The following SLFN12L variants were observed in gnomAD, a reference collection of about 807,000 sequenced individuals.
SLFN12L encodes the protein schlafen family member 12 like, also known as schlafen family member 12-like.
A neutral mutation model predicts 34.8 loss-of-function variants in SLFN12L; 34 were observed. The ratio of observed to expected loss-of-function variants is 0.98; its 90% CI spans 0.74 to 1.30. The LOEUF is 1.30. SLFN12L is among the 50% of genes most tolerant of loss of function. The probability of loss-of-function intolerance (pLI) is 0.00; values close to 1 mark genes in which losing one functional copy is unlikely to be tolerated. For missense variants in SLFN12L, 703 were observed against 696.2 expected, an observed-to-expected ratio of 1.01 and a Z score of -0.11; for synonymous variants, 259 against 247.5, an observed-to-expected ratio of 1.05 and a Z score of -0.44.
intron 1 of SLFN12L, among the ~76,000 whole-genome samples, chr17:35,533,403 C>A (rs2072429560): frequency 6.6e-6 from 1 of 152,160 alleles, no homozygotes; most frequent in African/African-American, 2.4e-5. Flanking sequence ...GTGAACAAAA[C>A]AAACCTGGTC....
At chr17:35,512,132 G>T (rs866022207) in intron 2 of SLFN12L, among the ~76,000 whole-genome samples, 36 of 147,032 alleles carry the variant, frequency 2.4e-4, no homozygotes, top group African/African-American at 8.0e-4. Context: ...TTCTGGGAGA[G>T]AATTTAAAAA....
At chr17:35,490,310 C>T (rs1914783966) in intron 2 of SLFN12L, 1 of 1,447,568 alleles carries the variant, frequency 6.9e-7, no homozygotes, top group Non-Finnish European at 9.7e-7. Context: ...ACTAAGAAGT[C>T]CAGATACTCC....
chr17:35,501,121 G>A (rs1263663243), intron 2 of SLFN12L, among the ~76,000 whole-genome samples: 2 of 152,200 alleles, frequency 1.3e-5, no homozygotes, highest in African/African-American at 2.4e-5. Context: ...CATGGTCTAG[G>A]CAGCCCCTTA....
chr17:35,532,254 AC>A (rs2072418518), intron 1 of SLFN12L, among the ~76,000 whole-genome samples: 1 of 152,194 alleles, frequency 6.6e-6, no homozygotes, highest in Non-Finnish European at 1.5e-5. Context: ...AGCCTGGCCA[AC>A]ATAGCGAAAC....
intron 2 of SLFN12L, chr17:35,498,092 G>A (rs1457677414): frequency 3.7e-6 from 2 of 543,066 alleles, no homozygotes; most frequent in Admixed American, 3.4e-5. Flanking sequence ...GCGGGGCGCG[G>A]GGCTCCAGGA....
intron 4 of SLFN12L, 53 bp downstream of exon 4, chr17:35,478,022 G>A: frequency 9.4e-7 from 1 of 1,065,856 alleles, no homozygotes; most frequent in African/African-American, 1.6e-5. Context: ...TGAAGAGAAG[G>A]AGGTTTGAAC....
At chr17:35,522,236 C>T in intron 2 of SLFN12L, 43 bp downstream of exon 2, 1 of 1,606,136 alleles carries the variant, frequency 6.2e-7, no homozygotes, top group South Asian at 1.1e-5. Context: ...AAAATTAAAC[C>T]CAGATTAAAT....
In SLFN12L at chr17:35,474,504, T is replaced by C. The variant is rs1913865798; in HGVS notation, c.*419A>G. On this transcript the variant is annotated 3_prime_UTR_variant, in exon 5 of 5. Transcript: ENST00000628453. ...ATGTTACCAAATATATAATGAAAAA[T>C]ATCTCTGTAGCCCAGTCCATCTTCC... 1 of 154,762 alleles carries C rather than the reference T, an allele frequency of 6.5e-6. No homozygotes were observed. The highest frequency in any genetic ancestry group is 6.5e-5 in the Admixed American group (1 of 15,470). The allele number at this position is 154,762 out of a possible 1,614,324, so 9.6% of individuals were successfully genotyped here.
At chr17:35,526,139 A>G (rs1170182252) in intron 1 of SLFN12L, among the ~76,000 whole-genome samples, 2 of 152,242 alleles carry the variant, frequency 1.3e-5, no homozygotes, top group Admixed American at 1.3e-4. Context: ...AAAGGGATCA[A>G]TGCAACAAAA....
intron 2 of SLFN12L, chr17:35,514,722 T>C: frequency 2.6e-6 from 1 of 381,656 alleles, no homozygotes; most frequent in Non-Finnish European, 5.1e-6. Flanking sequence ...TTAAGACTTT[T>C]TCAAGTATTT....
In SLFN12L at chr17:35,516,363, T is replaced by A. The variant is rs567554019; in HGVS notation, c.86+5916A>T. ...AGTTGTCCTAAAGCAAAACATTCCA[T>A]CACTTTGATCAGATTAAAACTCTAA... is the stretch of plus-strand genomic sequence containing the variant. On this transcript the variant is annotated intron_variant, in intron 2 of 4. Transcript: ENST00000628453. 3.3e-5 allele frequency among the ~76,000 whole-genome samples: 5 copies of A among 152,376 alleles called. No individual in the cohort carries two copies. The East Asian group carries it at 7.7e-4, about 23-fold the overall frequency.
intron 2 of SLFN12L, among the ~76,000 whole-genome samples, chr17:35,500,897 G>A (rs147323536): frequency 7.3e-4 from 111 of 152,190 alleles, no homozygotes; most frequent in African/African-American, 2.6e-3. Flanking sequence ...AATCAATCAC[G>A]ACCCTTTCAC....
At chr17:35,488,239 A>G (rs777322605) in intron 2 of SLFN12L, among the ~76,000 whole-genome samples, 5 of 152,138 alleles carry the variant, frequency 3.3e-5, no homozygotes, top group Non-Finnish European at 7.4e-5. Flanking sequence ...CCAAACCCCT[A>G]AAGGGGTGAC....
intron 1 of SLFN12L, among the ~76,000 whole-genome samples, chr17:35,530,218 G>T (rs1425054772): frequency 1.3e-5 from 2 of 148,184 alleles, no homozygotes; most frequent in East Asian, 2.0e-4. Flanking sequence ...GTGGTGGCAG[G>T]CACCTGTAGT....
In SLFN12L at chr17:35,474,970, G is replaced by GAAAC. The variant is rs532206571; in HGVS notation, c.1788_1791dup (p.Arg598ValfsTer52). 47 of 1,553,270 alleles carry GAAAC rather than the reference G, an allele frequency of 3.0e-5. No individual in the cohort carries two copies. The highest frequency in any genetic ancestry group is 1.8e-4 in the South Asian group (15 of 84,764). ...AACCAACAAACAAACAAACAAAAAC[G>GAAAC]AAACAAACAAACAAACAAAAAGATT... On this transcript the variant is annotated frameshift_variant, in exon 5 of 5. Transcript: ENST00000628453. LOFTEE classifies it high-confidence loss of function.
At chr17:35,512,836 T>C (rs560908923) in intron 2 of SLFN12L, among the ~76,000 whole-genome samples, 71 of 152,370 alleles carry the variant, frequency 4.7e-4, no homozygotes, top group Middle Eastern at 3.4e-3. Flanking sequence ...AGCCAAGTGA[T>C]ACCAAGTTTA....
chr17:35,484,096 A>G (rs1914479120), intron 2 of SLFN12L, among the ~76,000 whole-genome samples: 1 of 152,190 alleles, frequency 6.6e-6, no homozygotes, highest in Non-Finnish European at 1.5e-5. Context: ...GCACCAGAGT[A>G]GTCACCACTC....
At chr17:35,494,273 AG>A (rs1914958414) in intron 2 of SLFN12L, among the ~76,000 whole-genome samples, 1 of 152,158 alleles carries the variant, frequency 6.6e-6, no homozygotes, top group South Asian at 2.1e-4. Flanking sequence ...TTTTGTAAAC[AG>A]ATTTGTTACA....
chr17:35,517,825 T>G (rs1597875258), intron 2 of SLFN12L, among the ~76,000 whole-genome samples: 1 of 152,152 alleles, frequency 6.6e-6, no homozygotes, highest in Non-Finnish European at 1.5e-5. Flanking sequence ...TAAATCATGC[T>G]GGGAAAACTG....
Sources: allele counts gnomAD v4.1 joint callset (sites outside exome capture counted in the v4.1 genomes callset), GRCh38; gene constraint gnomAD v4.1.1; transcripts MANE v1.5; gene names NCBI Gene and HGNC (gene_info 2026-07-23, HGNC 2026-07-21).